APAF1: variants seen among roughly 807,000 people sequenced by gnomAD.
APAF1 encodes apoptotic protease-activating factor 1.
In APAF1, 91 loss-of-function variants were observed where a neutral mutation model predicts 152.4. The observed-to-expected ratio is 0.60, with a 90% confidence interval of 0.50 to 0.71. APAF1 has a LOEUF of 0.71. Among genes scored for constraint, APAF1 ranks in the 30% least tolerant of loss-of-function variants. The pLI is 0.00. For missense variants in APAF1, 1,283 were observed against 1,472.0 expected, an observed-to-expected ratio of 0.87 and a Z score of 2.10; for synonymous variants, 484 against 494.1, an observed-to-expected ratio of 0.98 and a Z score of 0.27.
At chr12:98,723,976 C>T (rs972057011) in intron 24 of APAF1, among the ~76,000 whole-genome samples, 1 of 152,192 alleles carries the variant, frequency 6.6e-6, no homozygotes, top group African/African-American at 2.4e-5. Flanking sequence ...TTATGGATTA[C>T]TTTTTGTCTA....
intron 26 of APAF1, among the ~76,000 whole-genome samples, chr12:98,729,029 G>C (rs2097755914): frequency 6.6e-6 from 1 of 152,198 alleles, no homozygotes. Context: ...CAGTCTATGG[G>C]GGAAGCAGGT....
chr12:98,708,425 A>G (rs895817888), intron 19 of APAF1, among the ~76,000 whole-genome samples, 160 bp from the exon 20 acceptor site: 4 of 152,356 alleles, frequency 2.6e-5, no homozygotes, highest in African/African-American at 9.6e-5. Context: ...GCATCTTACT[A>G]TAGATTGTGT....
intron 4 of APAF1, among the ~76,000 whole-genome samples, chr12:98,656,556 C>T (rs2097657955): frequency 1.3e-5 from 2 of 152,194 alleles, no homozygotes; most frequent in South Asian, 4.1e-4. Context: ...TTCATGCAGT[C>T]ACTATTCAGT....
At chr12:98,659,052 G>A (rs1241720739) in intron 4 of APAF1, 108 bp from the exon 5 acceptor site, 11 of 1,071,500 alleles carry the variant, frequency 1.0e-5, no homozygotes, top group African/African-American at 1.6e-5. Flanking sequence ...AGAAGTTGAA[G>A]ATGTGATGGG....
At chr12:98,718,661 C>T (rs1025201248) in intron 22 of APAF1, among the ~76,000 whole-genome samples, 7 of 152,118 alleles carry the variant, frequency 4.6e-5, no homozygotes, top group African/African-American at 7.2e-5. Context: ...CCTTACTGGG[C>T]GCAGCGGCTC....
intron 4 of APAF1, among the ~76,000 whole-genome samples, chr12:98,655,361 G>C (rs2097655538): frequency 6.6e-6 from 1 of 151,388 alleles, no homozygotes; most frequent in South Asian, 2.1e-4. Context: ...TCCCAGACGG[G>C]GTGGTGGCCG....
chr12:98,665,838 G>A, intron 8 of APAF1, 47 bp downstream of exon 8: 1 of 1,441,298 alleles, frequency 6.9e-7, no homozygotes, highest in East Asian at 2.3e-5. Context: ...TTGCATGTAA[G>A]CTTTGATATA....
Position 98,665,789 on chromosome 12 carries a change from A to C in APAF1, c.1192A>C (p.Lys398Gln). Residue 398 changes from lysine to glutamine, a missense_variant and splice_region_variant, in exon 8 of 27, where the codon AAG becomes CAG. Lys to Gln is a moderately conservative substitution (Grantham distance 53). Transcript: ENST00000551964. ...ILQKDVKVPT[K>Q]VLCILWDMET... Reference sequence around the variant, plus strand: ...TCAGAAGGACGTTAAGGTGCCTACAAAGGTAATGGGATCAATGATCCTCAT... The same window carrying C: ...TCAGAAGGACGTTAAGGTGCCTACACAGGTAATGGGATCAATGATCCTCAT... The C allele has an allele frequency of 1.3e-6, 2 of 1,599,546 alleles. No individual in the cohort carries two copies. Among genetic ancestry groups the C allele is most frequent in the Non-Finnish European group, 1.7e-6 (2 of 1,166,744 alleles).
At chr12:98,661,183 G>A (rs2097664768) in intron 5 of APAF1, among the ~76,000 whole-genome samples, 2 of 152,036 alleles carry the variant, frequency 1.3e-5, no homozygotes, top group Admixed American at 6.6e-5. Context: ...TTACAGGCGT[G>A]AGCCACTGCG....
intron 26 of APAF1, among the ~76,000 whole-genome samples, chr12:98,731,271 C>A (rs548284987): frequency 6.6e-6 from 1 of 152,182 alleles, no homozygotes; most frequent in African/African-American, 2.4e-5. Context: ...AACATCCCCC[C>A]ACCAGAGATG....
intron 3 of APAF1, 85 bp downstream of exon 3, chr12:98,648,900 G>A (rs762442275): frequency 5.5e-6 from 7 of 1,274,296 alleles, no homozygotes; most frequent in South Asian, 2.4e-5. Context: ...TTTGAAGAGA[G>A]TGTGACCAGT....
intron 16 of APAF1, among the ~76,000 whole-genome samples, chr12:98,696,636 C>A (rs74842747): frequency 0.019 from 2,961 of 152,224 alleles, 36 homozygotes; most frequent in Non-Finnish European, 0.031. Context: ...CTCGCCTGTG[C>A]TTGAAACTTG....
chr12:98,730,918 C>T (rs1402662148), intron 26 of APAF1, among the ~76,000 whole-genome samples: 1 of 152,136 alleles, frequency 6.6e-6, no homozygotes, highest in Non-Finnish European at 1.5e-5. Context: ...CTGCATTATG[C>T]CACAGAGTAC....
chr12:98,686,089 C>T (rs1312230698), intron 15 of APAF1, among the ~76,000 whole-genome samples: 1 of 152,172 alleles, frequency 6.6e-6, no homozygotes, highest in Non-Finnish European at 1.5e-5. Flanking sequence ...TTGTAATATA[C>T]TTGGTCCATG....
intron 4 of APAF1, among the ~76,000 whole-genome samples, chr12:98,657,772 G>A (rs1027441935): frequency 6.6e-6 from 1 of 152,154 alleles, no homozygotes; most frequent in African/African-American, 2.4e-5. Flanking sequence ...TTCATTAGCT[G>A]TGTAACTTTG....
intron 1 of APAF1, among the ~76,000 whole-genome samples, chr12:98,646,237 C>T (rs2097640165): frequency 6.6e-6 from 1 of 152,156 alleles, no homozygotes; most frequent in Non-Finnish European, 1.5e-5. Context: ...TTCATTCATT[C>T]TTGTTTTTTC....
At chr12:98,720,754 A>G (rs2097741398) in intron 22 of APAF1, among the ~76,000 whole-genome samples, 1 of 152,212 alleles carries the variant, frequency 6.6e-6, no homozygotes, top group Non-Finnish European at 1.5e-5. Flanking sequence ...TCACGAGGTC[A>G]GGAGATCGAG....
chr12:98,661,450 G>A (rs116674040), intron 5 of APAF1, among the ~76,000 whole-genome samples: 5 of 152,032 alleles, frequency 3.3e-5, no homozygotes, highest in Middle Eastern at 3.4e-3. Flanking sequence ...ACCTATGTAT[G>A]TGCCTAGAGT....
chr12:98,647,253 T>TA (rs199625521), intron 1 of APAF1, among the ~76,000 whole-genome samples: 10,496 of 125,334 alleles, frequency 0.084, 502 homozygotes, highest in Non-Finnish European at 0.12. Flanking sequence ...CCGTCTGTAC[T>TA]AAAAAAAAAA....
Sources: allele counts gnomAD v4.1 joint callset (sites outside exome capture counted in the v4.1 genomes callset), GRCh38; gene constraint gnomAD v4.1.1; transcripts MANE v1.5; gene names NCBI Gene and HGNC (gene_info 2026-07-23, HGNC 2026-07-21).